The following COL4A2 variants were observed in gnomAD, a reference collection of about 807,000 sequenced individuals.
The protein encoded by COL4A2 is collagen alpha-2(IV) chain.
A neutral mutation model predicts 200.2 loss-of-function variants in COL4A2; 99 were observed. The observed-to-expected ratio is 0.49, with a 90% CI of 0.42 to 0.58. COL4A2 has a LOEUF of 0.58. Ranked by LOEUF, COL4A2 falls within the 20% of genes least tolerant of loss-of-function variation. COL4A2 has a pLI of 0.00. For synonymous variants in COL4A2, 897 were observed against 900.6 expected, an observed-to-expected ratio of 1.00 and a Z score of 0.07; for missense variants, 1,950 against 2,314.1, an observed-to-expected ratio of 0.84 and a Z score of 3.23.
intron 4 of COL4A2, among the ~76,000 whole-genome samples, chr13:110,393,599 C>A (rs1428026480): frequency 6.6e-6 from 1 of 150,656 alleles, no homozygotes; most frequent in Non-Finnish European, 1.5e-5. Flanking sequence ...AAAAAAAAGG[C>A]CAGGCCCGGT....
chr13:110,483,265 G>A (rs1882996245), intron 32 of COL4A2, among the ~76,000 whole-genome samples: 1 of 152,222 alleles, frequency 6.6e-6, no homozygotes, highest in Admixed American at 6.5e-5. Flanking sequence ...AAGAGTGTGT[G>A]TTGGTGAGGA....
intron 18 of COL4A2, among the ~76,000 whole-genome samples, chr13:110,448,718 T>TTG (rs150418861): frequency 4.4e-4 from 53 of 120,608 alleles, no homozygotes; most frequent in African/African-American, 1.5e-3. Context: ...TTTTATGGAA[T>TTG]CAACAATGGC....
In COL4A2 at chr13:110,506,415, G is replaced by C. The variant is rs1241353532; in HGVS notation, c.4403G>C (p.Gly1468Ala). Reference protein sequence around the residue: ...IGHQGPIGQEGAPGRPGSPGL... With the variant: ...IGHQGPIGQEAAPGRPGSPGL... The stretch of plus-strand genomic sequence containing the variant: ...ACTCTCTCTCTTTCTCGGGCTGCAG[G>C]TGCACCAGGCCGTCCAGGGAGCCCG... The change falls in exon 46 of 48, where the codon GGT becomes GCT. Residue 1468 changes from glycine (G) to alanine (A), a missense_variant and splice_region_variant. Gly to Ala is a moderately conservative substitution (Grantham distance 60). Transcript: ENST00000360467. 6.2e-7 allele frequency: 1 copy of C among 1,608,504 alleles called. No individual in the cohort carries two copies. Among genetic ancestry groups the C allele is most frequent in the Admixed American group, 1.7e-5 (1 of 59,204 alleles).
At position 110,376,111 on chromosome 13, in the gene COL4A2, A is replaced by G. The variant is rs191148398; in HGVS notation, c.180+18559A>G. 5.2e-4 allele frequency among the ~76,000 whole-genome samples: 79 copies of G among 152,352 alleles called. No individual in the cohort carries two copies. In the East Asian group the frequency reaches 0.013, roughly 25 times the overall value. On this transcript the variant is annotated intron_variant, in intron 4 of 47. Coordinates refer to ENST00000360467, the MANE Select transcript of COL4A2 (RefSeq NM_001846.4). ...AGAACTATCTGACATTCACTGGCTT[A>G]GGGATATTTGGGGAGACACGATAGC...
chr13:110,424,540 A>G, intron 4 of COL4A2, among the ~76,000 whole-genome samples, 194 bp from the exon 5 acceptor site: 1 of 149,750 alleles, frequency 6.7e-6, no homozygotes, highest in Non-Finnish European at 1.5e-5. Flanking sequence ...CACATTCCAT[A>G]TTTTCTCTTC....
chr13:110,360,603 A>G (rs1483259531), intron 4 of COL4A2, among the ~76,000 whole-genome samples: 3 of 152,180 alleles, frequency 2.0e-5, no homozygotes, highest in African/African-American at 4.8e-5. Context: ...GTCTCTTTCT[A>G]TACTTTGCCA....
chr13:110,309,932 A>G (rs1566464967), intron 3 of COL4A2, among the ~76,000 whole-genome samples: 1 of 152,232 alleles, frequency 6.6e-6, no homozygotes, highest in South Asian at 2.1e-4. Flanking sequence ...CCGAGGTTGC[A>G]GTAAGCCGAA....
In COL4A2 at chr13:110,478,051, T is replaced by C; in HGVS notation, c.2474T>C (p.Leu825Pro). 1 of 1,603,694 alleles carries C rather than the reference T, an allele frequency of 6.2e-7. No homozygotes were observed. The highest frequency in any genetic ancestry group is 8.5e-7 in the Non-Finnish European group (1 of 1,173,542). ...GMPGLKGQPG[L>P]PGPSGQPGLY... ...CCAGGGCTGAAGGGCCAGCCAGGCCTCCCAGGACCTTCCGGCCAGCCAGGC... is the reference window on the plus strand; with the variant it reads ...CCAGGGCTGAAGGGCCAGCCAGGCCCCCCAGGACCTTCCGGCCAGCCAGGC... The change falls in exon 30 of 48, where the codon CTC (leucine) becomes CCC (proline). Residue 825 changes from leucine to proline, a missense_variant. Transcript: ENST00000360467.
intron 4 of COL4A2, among the ~76,000 whole-genome samples, chr13:110,388,870 A>G (rs1291630499): frequency 6.6e-6 from 1 of 152,182 alleles, no homozygotes; most frequent in Non-Finnish European, 1.5e-5. Context: ...CCCACAGGCC[A>G]GCTGCTTCAA....
rs139124960 is a variant in COL4A2 at position 110,504,153 on chromosome 13, C to T, written c.4291C>T (p.Arg1431Cys). The change falls in exon 45 of 48, where the codon CGT becomes TGT. Residue 1431 changes from arginine to cysteine, a missense_variant. This residue lies in a region of COL4A2 where 1,385 missense variants were observed against 1,720.5 expected (regional missense o/e 0.80). Transcript: ENST00000360467. Reference sequence around the variant, plus strand: ...GCTTCTTTGGTGGCTTGCAGGTTTCCGTGGGGCTCCAGGGAAAGCTGGGCC... The same window carrying T: ...GCTTCTTTGGTGGCTTGCAGGTTTCTGTGGGGCTCCAGGGAAAGCTGGGCC... ...PQGPPGEPGF[R>C]GAPGKAGPQG... 3.1e-6 allele frequency: 5 copies of T among 1,613,890 alleles called. No individual in the cohort carries two copies. Among genetic ancestry groups the T allele is most frequent in the South Asian group, 2.2e-5 (2 of 91,080 alleles).
intron 31 of COL4A2, among the ~76,000 whole-genome samples, chr13:110,482,249 C>A (rs536709210): frequency 2.2e-4 from 34 of 152,226 alleles, no homozygotes; most frequent in Non-Finnish European, 4.9e-4. Flanking sequence ...TTCAGATTTC[C>A]CTCCTAGCCT....
At chr13:110,400,958 C>A (rs553867037) in intron 4 of COL4A2, among the ~76,000 whole-genome samples, 1 of 152,304 alleles carries the variant, frequency 6.6e-6, no homozygotes, top group East Asian at 1.9e-4. Flanking sequence ...CTTCCATTGC[C>A]TCCTAACAGA....
intron 4 of COL4A2, among the ~76,000 whole-genome samples, chr13:110,403,403 A>G (rs7321362): frequency 0.59 from 89,525 of 152,040 alleles, 26,948 homozygotes; most frequent in Non-Finnish European, 0.66. Flanking sequence ...TCAGAAGTCT[A>G]CCTTCCACAA....
chr13:110,380,164 A>G (rs757339590), intron 4 of COL4A2, among the ~76,000 whole-genome samples: 4 of 152,206 alleles, frequency 2.6e-5, no homozygotes, highest in Non-Finnish European at 5.9e-5. Flanking sequence ...GCCTCAACCC[A>G]GCTGGGAGTG....
At chr13:110,390,240 C>T (rs1474413051) in intron 4 of COL4A2, among the ~76,000 whole-genome samples, 2 of 152,244 alleles carry the variant, frequency 1.3e-5, no homozygotes, top group Admixed American at 1.3e-4. Flanking sequence ...ACCCACTCCC[C>T]TCCAAAGTGG....
At chr13:110,449,391 C>T (rs1881444987) in intron 18 of COL4A2, among the ~76,000 whole-genome samples, 1 of 152,118 alleles carries the variant, frequency 6.6e-6, no homozygotes. Context: ...GTGAGGCCTC[C>T]TCGCTCCCAG....
At chr13:110,358,677 C>A (rs1877388235) in intron 4 of COL4A2, among the ~76,000 whole-genome samples, 1 of 152,200 alleles carries the variant, frequency 6.6e-6, no homozygotes, top group Non-Finnish European at 1.5e-5. Flanking sequence ...ATCTTCAGTG[C>A]AGTCTGTTGT....
At chr13:110,334,134 G>A (rs991245830) in intron 3 of COL4A2, among the ~76,000 whole-genome samples, 2 of 152,238 alleles carry the variant, frequency 1.3e-5, no homozygotes, top group Admixed American at 6.5e-5. Context: ...GAACACAGAG[G>A]CGTTTGATAA....
chr13:110,358,088 T>C (rs1274559636), intron 4 of COL4A2, among the ~76,000 whole-genome samples: 1 of 152,248 alleles, frequency 6.6e-6, no homozygotes, highest in Non-Finnish European at 1.5e-5. Flanking sequence ...GTTAAACTTT[T>C]TAAACTTTTT....
Sources: gnomAD v4.1 joint callset for allele counts (sites outside exome capture counted in the v4.1 genomes callset) on GRCh38, gnomAD v4.1.1 for gene constraint, gnomAD v4.1.1 regional missense constraint, MANE v1.5 for transcripts, NCBI Gene and HGNC (gene_info 2026-07-23, HGNC 2026-07-21) for gene names.